Variants in HERC2 observed in about 807,000 individuals in gnomAD.
The protein encoded by HERC2 is HECT and RLD domain containing E3 ubiquitin protein ligase 2, also known as E3 ubiquitin-protein ligase HERC2.
Under a neutral mutation model 537.7 loss-of-function variants are expected in HERC2, and 102 were observed. The observed-to-expected ratio is 0.19, with a 90% confidence interval of 0.16 to 0.22. HERC2 has a LOEUF of 0.22. Among genes scored for constraint, HERC2 ranks in the 10% least tolerant of loss-of-function variants. The pLI, the probability that HERC2 is intolerant of heterozygous loss-of-function variation, is 1.00. For missense variants in HERC2, 4,236 were observed against 6,198.2 expected, an observed-to-expected ratio of 0.68 and a Z score of 10.63; for synonymous variants, 2,224 against 2,466.2, an observed-to-expected ratio of 0.90 and a Z score of 2.91.
intron 38 of HERC2, among the ~76,000 whole-genome samples, chr15:28,217,058 G>C (rs1369241310): frequency 6.6e-6 from 1 of 152,030 alleles, no homozygotes; most frequent in East Asian, 1.9e-4. Flanking sequence ...CTGACACAAG[G>C]CACTCATACA....
At chr15:28,204,936 A>G (rs1481974648) in intron 45 of HERC2, among the ~76,000 whole-genome samples, 2 of 152,192 alleles carry the variant, frequency 1.3e-5, no homozygotes, top group Non-Finnish European at 2.9e-5. Flanking sequence ...CAGGGGGAAA[A>G]AACAATAGTC....
rs777325371 is a variant in HERC2 at position 28,115,485 on chromosome 15, C to T, written c.13666G>A (p.Glu4556Lys). Residue 4556 changes from glutamate (E) to lysine (K), a missense_variant, in exon 89 of 93, where the codon GAG becomes AAG. Coordinates refer to ENST00000261609, the MANE Select transcript of HERC2 (RefSeq NM_004667.6). ...TGSPLSLNLA[E>K]PVWKQLAGMS... is the part of the protein sequence containing the mutation. ...CCAGCCAGCTGCTTCCAGACAGGCT[C>T]GGCAAGGTTGAGGCTCAGGGGACTC... 2 of 1,614,038 alleles carry T rather than the reference C, an allele frequency of 1.2e-6. No individual in the cohort carries two copies. The highest frequency in any genetic ancestry group is 1.1e-5 in the South Asian group (1 of 91,070).
At chr15:28,145,269 T>G (rs1305331490) in intron 71 of HERC2, among the ~76,000 whole-genome samples, 1 of 152,150 alleles carries the variant, frequency 6.6e-6, no homozygotes, top group Non-Finnish European at 1.5e-5. Context: ...CGGCCCAGAG[T>G]AGGCCGCCCT....
At chr15:28,203,965 G>A (rs529439766) in intron 45 of HERC2, 1 of 151,940 alleles carries the variant, frequency 6.6e-6, no homozygotes, top group Non-Finnish European at 1.5e-5. Flanking sequence ...GCCCAGAAGA[G>A]ATTCTAAATC....
chr15:28,259,746 G>A (rs772223102), intron 16 of HERC2, among the ~76,000 whole-genome samples: 2 of 151,420 alleles, frequency 1.3e-5, no homozygotes, highest in Non-Finnish European at 2.9e-5. Flanking sequence ...CTTGAGGTCA[G>A]GAGTTGGAGA....
intron 70 of HERC2, among the ~76,000 whole-genome samples, chr15:28,150,432 T>C (rs1892318179): frequency 6.8e-6 from 1 of 147,236 alleles, no homozygotes; most frequent in Non-Finnish European, 1.5e-5. Flanking sequence ...ACCGAGAACA[T>C]CACCGACAAC....
chr15:28,220,333 A>G, intron 37 of HERC2, 119 bp downstream of exon 37: 1 of 884,016 alleles, frequency 1.1e-6, no homozygotes, highest in Non-Finnish European at 1.8e-6. Context: ...CCGAGGACAG[A>G]GCGCCAGCTG....
intron 68 of HERC2, among the ~76,000 whole-genome samples, chr15:28,164,854 A>G (rs1377147665): frequency 1.3e-5 from 2 of 152,232 alleles, no homozygotes; most frequent in East Asian, 3.8e-4. Flanking sequence ...TCAAACCAGG[A>G]GACTGCCAAA....
intron 69 of HERC2, among the ~76,000 whole-genome samples, chr15:28,159,708 G>A (rs549532089): frequency 9.9e-5 from 15 of 152,200 alleles, no homozygotes; most frequent in Admixed American, 3.3e-4. Context: ...AAGTTTGATC[G>A]TCTGAAGCCT....
Position 28,115,816 on chromosome 15 carries a change from A to C in HERC2, c.13610-275T>G, listed in dbSNP as rs530437099. 2.6e-5 allele frequency among the ~76,000 whole-genome samples: 4 copies of C among 152,344 alleles called. No individual in the cohort carries two copies. In the East Asian group the frequency reaches 7.7e-4, roughly 29 times the overall value. ...GGCCAATTCTTCTTCTTATGACAGC[A>C]AAGAGCTGGAACTTCCCCACGGGAG... On this transcript the variant is annotated intron_variant, in intron 88 of 92. Coordinates refer to ENST00000261609, the MANE Select transcript of HERC2 (RefSeq NM_004667.6).
intron 4 of HERC2, among the ~76,000 whole-genome samples, chr15:28,290,026 C>T (rs1041009032): frequency 2.0e-5 from 3 of 152,220 alleles, no homozygotes; most frequent in African/African-American, 7.2e-5. Context: ...AGAGGACGGA[C>T]CTGCAGGAGT....
At chr15:28,242,344 T>C (rs987951085) in intron 23 of HERC2, among the ~76,000 whole-genome samples, 1 of 152,212 alleles carries the variant, frequency 6.6e-6, no homozygotes, top group African/African-American at 2.4e-5. Context: ...AGGAACATTC[T>C]CCTACTCACT....
rs1159898466 is a variant in HERC2, at chr15:28,151,943, TA to T, written c.10900+733del. On this transcript the variant is annotated intron_variant, in intron 70 of 92. Coordinates refer to ENST00000261609, the MANE Select transcript of HERC2 (RefSeq NM_004667.6). ...ACAGGAAAGTATTCCAGCTAACAAA[TA>T]AGCAAGAAATGATTCCACTAGAATA... 3.3e-5 allele frequency among the ~76,000 whole-genome samples: 5 copies of T among 152,148 alleles called. No homozygotes were observed. The East Asian group carries it at 7.7e-4, about 23-fold the overall frequency.
At chr15:28,246,686 T>C (rs1903740668) in intron 22 of HERC2, 56 bp downstream of exon 22, 7 of 1,430,048 alleles carry the variant, frequency 4.9e-6, no homozygotes, top group African/African-American at 1.5e-5. Flanking sequence ...GAAGACACTT[T>C]AGCTTTCATC....
chr15:28,189,070 G>C (rs1896590582), intron 55 of HERC2, among the ~76,000 whole-genome samples: 1 of 152,160 alleles, frequency 6.6e-6, no homozygotes, highest in African/African-American at 2.4e-5. Flanking sequence ...CTGGGCGACA[G>C]AGTGAGACTC....
intron 20 of HERC2, among the ~76,000 whole-genome samples, chr15:28,249,995 A>G (rs1904127923): frequency 6.6e-6 from 1 of 152,058 alleles, no homozygotes; most frequent in African/African-American, 2.4e-5. Flanking sequence ...AGCAAATCAG[A>G]CAGGACATGG....
At chr15:28,206,576 G>T (rs932691068) in intron 44 of HERC2, among the ~76,000 whole-genome samples, 194 bp from the exon 45 acceptor site, 2 of 151,704 alleles carry the variant, frequency 1.3e-5, no homozygotes, top group African/African-American at 2.4e-5. Context: ...GCTCACGCGT[G>T]TAATCCCTGC....
chr15:28,129,220 A>G (rs1889835118), intron 83 of HERC2, among the ~76,000 whole-genome samples: 1 of 152,198 alleles, frequency 6.6e-6, no homozygotes. Context: ...ACAGTGTATT[A>G]TGGCAAGAGG....
intron 86 of HERC2, chr15:28,118,278 C>G (rs547505823): frequency 1.3e-5 from 2 of 153,298 alleles, no homozygotes; most frequent in Non-Finnish European, 2.9e-5. Flanking sequence ...GTGCACCCAG[C>G]TCCCCGAAGC....
Sources: allele counts gnomAD v4.1 joint callset (sites outside exome capture counted in the v4.1 genomes callset), GRCh38; gene constraint gnomAD v4.1.1; transcripts MANE v1.5; gene names NCBI Gene and HGNC (gene_info 2026-07-23, HGNC 2026-07-21).